Variants in VWF observed in about 807,000 individuals in gnomAD.
VWF encodes the protein Factor VIII related antigen.
A neutral mutation model predicts 308.6 loss-of-function variants in VWF; 176 were observed. That is an observed-to-expected ratio of 0.57 (90% CI 0.50 to 0.65). The LOEUF is 0.65. Ranked by LOEUF, VWF falls within the 30% of genes least tolerant of loss-of-function variation. VWF has a pLI of 0.00. For missense variants in VWF, 3,146 were observed against 3,648.2 expected, an observed-to-expected ratio of 0.86 and a Z score of 3.55; for synonymous variants, 1,385 against 1,443.4, an observed-to-expected ratio of 0.96 and a Z score of 0.92.
Position 6,073,520 on chromosome 12 carries a change from A to T in VWF, c.997+99T>A. ...AACTTAATAAAAGGCTTCTGATTTC[A>T]GCAACGGGGAGCAAACACAAGTGGC... On this transcript the variant is annotated intron_variant, in intron 8 of 51. Coordinates refer to ENST00000261405, the MANE Select transcript of VWF (RefSeq NM_000552.5). The T allele has an allele frequency of 2.6e-6, 4 of 1,548,200 alleles. No homozygotes were observed. In the African/African-American group the frequency reaches 4.1e-5, roughly 16 times the overall value.
chr12:6,003,512 CAA>C (rs568588923), intron 34 of VWF, among the ~76,000 whole-genome samples: 1 of 132,454 alleles, frequency 7.5e-6, no homozygotes. Context: ...TGTTTCACTA[CAA>C]AAAAAAAAAA....
In VWF at chr12:6,057,090, C is replaced by G. The variant is rs374412712; in HGVS notation, c.1730-18G>C. On this transcript the variant is annotated intron_variant, in intron 14 of 51. Coordinates refer to ENST00000261405, the MANE Select transcript of VWF (RefSeq NM_000552.5). ...GAACCTGGCTGTGGGGCGAGAGGAGCGAGCCTGGGATGTGGTGGGGAGGAG... is the reference window on the plus strand; with the variant it reads ...GAACCTGGCTGTGGGGCGAGAGGAGGGAGCCTGGGATGTGGTGGGGAGGAG... 2.0e-6 allele frequency: 3 copies of G among 1,528,092 alleles called. No homozygotes were observed. The highest frequency in any genetic ancestry group is 1.2e-5 in the South Asian group (1 of 83,058). The allele number at this position is 1,528,092 out of a possible 1,614,324, so 94.7% of individuals were successfully genotyped here. A position where few individuals can be genotyped will look rare whatever the true frequency, so the allele number is the denominator to read the frequency against.
intron 22 of VWF, among the ~76,000 whole-genome samples, chr12:6,027,656 G>A (rs532030633): frequency 2.0e-5 from 3 of 152,202 alleles, no homozygotes; most frequent in African/African-American, 7.2e-5. Flanking sequence ...CAAGAATGCA[G>A]GCAGCCTCCG....
At chr12:5,996,824 G>A (rs1047416400) in intron 34 of VWF, among the ~76,000 whole-genome samples, 3 of 151,424 alleles carry the variant, frequency 2.0e-5, no homozygotes, top group African/African-American at 7.3e-5. Flanking sequence ...CACATAATTG[G>A]CAAATTCTCA....
chr12:6,075,440 A>G lies in VWF; in HGVS notation c.769T>C (p.Cys257Arg). 3 of 1,614,098 alleles carry G rather than the reference A, an allele frequency of 1.9e-6. No individual in the cohort carries two copies. Among genetic ancestry groups the G allele is most frequent in the Non-Finnish European group, 2.5e-6 (3 of 1,180,022 alleles). ...VALCEKTLCECAGGLECACPA... is the reference protein window; with the variant it reads ...VALCEKTLCERAGGLECACPA... ...CAGGCGCACTCCAGCCCCCCAGCAC[A>G]CTCACACAAAGTCTTCTCACACAGG... Residue 257 changes from cysteine to arginine, a missense_variant, in exon 7 of 52, where the codon TGT becomes CGT. Physicochemically the swap from Cys to Arg is radical, Grantham distance 180. Transcript: ENST00000261405. The surrounding 1 kb of genome is among the most constrained non-coding windows in gnomAD (Gnocchi z 4.7).
intron 3 of VWF, among the ~76,000 whole-genome samples, chr12:6,119,768 G>A (rs185943834): frequency 4.1e-4 from 62 of 152,306 alleles, no homozygotes; most frequent in Admixed American, 2.6e-4. Flanking sequence ...CTTGAACCCA[G>A]GAGGCGGAGG....
At chr12:6,101,932 T>C (rs561936318) in intron 5 of VWF, among the ~76,000 whole-genome samples, 22 of 151,746 alleles carry the variant, frequency 1.4e-4, no homozygotes, top group Non-Finnish European at 2.9e-4. Flanking sequence ...CCCAGCACTT[T>C]GGCTTTTTAG....
rs577144741 is a variant in VWF, at chr12:5,960,893, G to C, written c.7887+6593C>G. Among the ~76,000 whole-genome samples, 13 of 152,336 alleles carry C rather than the reference G, an allele frequency of 8.5e-5. No individual in the cohort carries two copies. In the East Asian group the frequency reaches 2.3e-3, roughly 27 times the overall value. On this transcript the variant is annotated intron_variant, in intron 47 of 51. Transcript: ENST00000261405. ...CCGGTCAGTGGCCTGTTAGGAACTG[G>C]GCTGCACAGCAGGAGGTGAGCAGTG... is the stretch of plus-strand genomic sequence containing the variant.
chr12:6,019,637 C>T lies in VWF; in HGVS notation c.3781G>A (p.Asp1261Asn), dbSNP rs755127078. ...PVSPTTLYVEDISEPPLHDFY... is the reference protein window; with the variant it reads ...PVSPTTLYVENISEPPLHDFY... Reference sequence around the variant, plus strand: ...TCGTGCAACGGCGGTTCCGAGATGTCCTCCACATACAGAGTGGTGGGGCTC... The same window carrying T: ...TCGTGCAACGGCGGTTCCGAGATGTTCTCCACATACAGAGTGGTGGGGCTC... Residue 1261 changes from aspartate (D) to asparagine (N), a missense_variant, in exon 28 of 52, where the codon GAC becomes AAC. Asp to Asn is a conservative substitution (Grantham distance 23). This residue lies in a region of VWF where 853 missense variants were observed against 1,177.8 expected (regional missense o/e 0.72). Transcript: ENST00000261405. The surrounding 1 kb of genome is among the most constrained non-coding windows in gnomAD (Gnocchi z 5.8). 1.9e-6 allele frequency: 3 copies of T among 1,613,938 alleles called. No homozygotes were observed. The South Asian group carries it at 3.3e-5, about 18-fold the overall frequency.
chr12:6,089,157 G>T (rs1439085339), intron 6 of VWF, among the ~76,000 whole-genome samples: 1 of 152,154 alleles, frequency 6.6e-6, no homozygotes, highest in Non-Finnish European at 1.5e-5. Context: ...CTGAACCTGG[G>T]GGCCCTGCGG....
intron 6 of VWF, among the ~76,000 whole-genome samples, chr12:6,086,150 C>T (rs1463084883): frequency 6.6e-6 from 1 of 152,088 alleles, no homozygotes; most frequent in Non-Finnish European, 1.5e-5. Context: ...GACTGAGAGG[C>T]AGAGTAGGAA....
rs2136377681 is a variant in VWF, at chr12:5,987,026, T to C, written c.6799-1361A>G. 2.0e-5 allele frequency among the ~76,000 whole-genome samples: 3 copies of C among 152,290 alleles called. No homozygotes were observed. In the South Asian group the frequency reaches 6.2e-4, roughly 32 times the overall value. ...CATTGCAACCTCTGCCTCCCGAGTT[T>C]AAGTGATTCTCCTGCCTCAGCCTCC... is the stretch of plus-strand genomic sequence containing the variant. On this transcript the variant is annotated intron_variant, in intron 38 of 51. Transcript: ENST00000261405.
At chr12:6,013,343 C>T in intron 32 of VWF, 138 bp downstream of exon 32, 1 of 1,073,762 alleles carries the variant, frequency 9.3e-7, no homozygotes, top group East Asian at 2.4e-5. Flanking sequence ...AGGTCCTGGT[C>T]TATATAATAA....
At chr12:5,985,696 C>A (rs1356530576) in intron 38 of VWF, 31 bp from the exon 39 acceptor site, 6 of 1,598,970 alleles carry the variant, frequency 3.8e-6, no homozygotes, top group East Asian at 2.2e-5. Context: ...AGAAAGGGCA[C>A]AGGACATTCT....
Position 6,103,504 on chromosome 12 carries a change from GTA to G in VWF, c.532+6868_532+6869del, listed in dbSNP as rs200273814. On this transcript the variant is annotated intron_variant, in intron 5 of 51. Coordinates refer to ENST00000261405, the MANE Select transcript of VWF (RefSeq NM_000552.5). ...TATACATATATGTGTATACACACAC[GTA>G]TATATATACACACATATGTGTATAT... Among the ~76,000 whole-genome samples the G allele has an allele frequency of 5.8e-3, 604 of 103,882 alleles. 32 individuals carry two copies. Among genetic ancestry groups the G allele is most frequent in the East Asian group, 0.043 (186 of 4,276 alleles). 68.2% of individuals were successfully genotyped at this position (103,882 alleles called of 152,430 possible). A position where few individuals can be genotyped will look rare whatever the true frequency, so the allele number is the denominator to read the frequency against.
chr12:6,087,508 G>A (rs1163505114), intron 6 of VWF, among the ~76,000 whole-genome samples: 9 of 146,634 alleles, frequency 6.1e-5, no homozygotes, highest in South Asian at 2.4e-4. Flanking sequence ...ACAGGCGCCC[G>A]CCACCACGCC....
chr12:6,032,774 A>T (rs559440746), intron 20 of VWF, among the ~76,000 whole-genome samples: 1 of 152,270 alleles, frequency 6.6e-6, no homozygotes, highest in South Asian at 2.1e-4. Context: ...AGGCACATGC[A>T]TACACTCAAA....
chr12:6,091,987 C>T (rs1945039901), intron 6 of VWF, among the ~76,000 whole-genome samples: 1 of 152,162 alleles, frequency 6.6e-6, no homozygotes. Flanking sequence ...GCTGCGCACT[C>T]GGGTGACTGC....
chr12:6,121,436 G>A, intron 2 of VWF, 98 bp from the exon 3 acceptor site: 2 of 1,453,282 alleles, frequency 1.4e-6, no homozygotes, highest in East Asian at 2.5e-5. Context: ...GACTGCCTCT[G>A]ATAGAAACTG....
Sources: gnomAD v4.1 joint callset for allele counts (sites outside exome capture counted in the v4.1 genomes callset) on GRCh38, gnomAD v4.1.1 for gene constraint, gnomAD v4.1.1 regional missense constraint, Gnocchi (gnomAD v3.1) non-coding constraint, MANE v1.5 for transcripts, NCBI Gene and HGNC (gene_info 2026-07-23, HGNC 2026-07-21) for gene names.